Variants in ZFPM2 observed in about 807,000 individuals in gnomAD.
The protein encoded by ZFPM2 is zinc finger protein ZFPM2.
Under a neutral mutation model 98.6 loss-of-function variants are expected in ZFPM2, and 20 were observed. That is an observed-to-expected ratio of 0.20 (90% CI 0.14 to 0.29). ZFPM2 has a LOEUF of 0.29. Among genes scored for constraint, ZFPM2 ranks in the 10% least tolerant of loss-of-function variants. The pLI is 1.00. For synonymous variants in ZFPM2, 518 were observed against 502.7 expected (o/e 1.03, Z -0.41); for missense variants, 1,310 against 1,388.6 (o/e 0.94, Z 0.90).
At chr8:105,355,352 A>C (rs1812720701) in intron 1 of ZFPM2, among the ~76,000 whole-genome samples, 1 of 152,186 alleles carries the variant, frequency 6.6e-6, no homozygotes, top group Non-Finnish European at 1.5e-5. Flanking sequence ...AATTCTTCAG[A>C]CACAAATTCT....
chr8:105,652,285 G>GC (rs1817195733), intron 5 of ZFPM2, among the ~76,000 whole-genome samples: 1 of 136,178 alleles, frequency 7.3e-6, no homozygotes, highest in African/African-American at 2.9e-5. Flanking sequence ...TAGAAGTCAA[G>GC]CCCATTTTTG....
At chr8:105,783,837 C>T (rs1813334563) in intron 5 of ZFPM2, among the ~76,000 whole-genome samples, 1 of 151,982 alleles carries the variant, frequency 6.6e-6, no homozygotes, top group Non-Finnish European at 1.5e-5. Context: ...TGAACCATGC[C>T]ACTATGAGCC....
At chr8:105,372,084 C>G (rs1810635394) in intron 1 of ZFPM2, among the ~76,000 whole-genome samples, 1 of 151,280 alleles carries the variant, frequency 6.6e-6, no homozygotes, top group Admixed American at 6.6e-5. Flanking sequence ...GCTCTGTCAC[C>G]CAGGCTGGAG....
intron 4 of ZFPM2, among the ~76,000 whole-genome samples, chr8:105,593,578 G>T (rs1476425946): frequency 6.6e-6 from 1 of 150,802 alleles, no homozygotes; most frequent in Non-Finnish European, 1.5e-5. Flanking sequence ...TCTGTCCTCA[G>T]ATGCCTCATT....
At chr8:105,369,805 A>G (rs1186521335) in intron 1 of ZFPM2, among the ~76,000 whole-genome samples, 1 of 152,096 alleles carries the variant, frequency 6.6e-6, no homozygotes, top group Non-Finnish European at 1.5e-5. Flanking sequence ...TATGTAAACT[A>G]CTTCATTGTG....
At chr8:105,354,720 GGAT>G (rs746381054) in intron 1 of ZFPM2, among the ~76,000 whole-genome samples, 3 of 152,096 alleles carry the variant, frequency 2.0e-5, no homozygotes, top group Non-Finnish European at 2.9e-5. Flanking sequence ...GTATGTAGTA[GGAT>G]GATATTTTAT....
At chr8:105,620,365 T>C (rs922934831) in intron 4 of ZFPM2, among the ~76,000 whole-genome samples, 1 of 152,220 alleles carries the variant, frequency 6.6e-6, no homozygotes, top group Admixed American at 6.5e-5. Context: ...CTTTGCCCAC[T>C]TTTTGATGGG....
At chr8:105,351,354 CGTGTGTGT>C (rs139105567) in intron 1 of ZFPM2, among the ~76,000 whole-genome samples, 2 of 144,754 alleles carry the variant, frequency 1.4e-5, no homozygotes, top group Non-Finnish European at 3.0e-5. Flanking sequence ...TGCATTATTT[CGTGTGTGT>C]GTGTGTGTGT....
chr8:105,517,712 C>T lies in ZFPM2; in HGVS notation c.302-43651C>T, dbSNP rs1428217861. On this transcript the variant is annotated intron_variant, in intron 3 of 7. Coordinates refer to ENST00000407775, the MANE Select transcript of ZFPM2 (RefSeq NM_012082.4). Reference sequence around the variant, plus strand: ...ACACACCACACACACACACACCACACACACACACACACACACACACACACA... The same window carrying T: ...ACACACCACACACACACACACCACATACACACACACACACACACACACACA... Among the ~76,000 whole-genome samples, 6 of 133,622 alleles carry T rather than the reference C, an allele frequency of 4.5e-5. No individual in the cohort carries two copies. In the East Asian group the frequency reaches 1.2e-3, roughly 28 times the overall value. 87.7% of individuals were successfully genotyped at this position (133,622 alleles called of 152,430 possible). A position where few individuals can be genotyped will look rare whatever the true frequency, so the allele number is the denominator to read the frequency against.
chr8:105,336,686 C>CT (rs1812330410), intron 1 of ZFPM2, among the ~76,000 whole-genome samples: 1 of 105,996 alleles, frequency 9.4e-6, no homozygotes, highest in Non-Finnish European at 1.9e-5. Context: ...ATGTAATATA[C>CT]TCCACACACA....
intron 4 of ZFPM2, among the ~76,000 whole-genome samples, chr8:105,633,523 G>T (rs922875071): frequency 2.0e-5 from 3 of 152,130 alleles, no homozygotes; most frequent in Admixed American, 2.0e-4. Flanking sequence ...ACTATTTTGA[G>T]CCTTCTATTT....
At chr8:105,486,750 T>C (rs1813237449) in intron 3 of ZFPM2, among the ~76,000 whole-genome samples, 1 of 152,172 alleles carries the variant, frequency 6.6e-6, no homozygotes, top group Non-Finnish European at 1.5e-5. Context: ...TTGATGTGTA[T>C]AAGATCTGAG....
At chr8:105,433,730 T>G in intron 2 of ZFPM2, among the ~76,000 whole-genome samples, 1 of 152,048 alleles carries the variant, frequency 6.6e-6, no homozygotes. Flanking sequence ...GAGCTTGCAG[T>G]GAGCCGAGAT....
At chr8:105,606,481 C>T (rs1174553550) in intron 4 of ZFPM2, among the ~76,000 whole-genome samples, 3 of 151,964 alleles carry the variant, frequency 2.0e-5, no homozygotes, top group East Asian at 3.9e-4. Context: ...GCCACTTTAC[C>T]TTTCTCTGTG....
chr8:105,517,707 C>CCACACACACACACACACACACACA (rs1554613621), intron 3 of ZFPM2, among the ~76,000 whole-genome samples: 4 of 124,890 alleles, frequency 3.2e-5, no homozygotes, highest in Non-Finnish European at 4.8e-5. Flanking sequence ...CACACACACA[C>CCACACACACACACACACACACACA]CACACACACA....
rs1196372439 is a variant in ZFPM2 at position 105,795,255 on chromosome 8, T to C, written c.740-3469T>C. 1.7e-3 allele frequency among the ~76,000 whole-genome samples: 246 copies of C among 148,118 alleles called. 2 individuals carry two copies. The highest frequency in any genetic ancestry group is 0.014 in the East Asian group (71 of 5,062). On this transcript the variant is annotated intron_variant, in intron 6 of 7. Coordinates refer to ENST00000407775, the MANE Select transcript of ZFPM2 (RefSeq NM_012082.4). Reference sequence around the variant, plus strand: ...CCCCCTCATTTTATCTTTGTGTGTGTGTGTGTGTGTGTGTGTGTGTGTGTG... The same window carrying C: ...CCCCCTCATTTTATCTTTGTGTGTGCGTGTGTGTGTGTGTGTGTGTGTGTG...
At chr8:105,789,040 C>A in intron 6 of ZFPM2, 116 bp downstream of exon 6, 1 of 770,014 alleles carries the variant, frequency 1.3e-6, no homozygotes, top group Non-Finnish European at 1.9e-6. Flanking sequence ...GTTGTGGTTT[C>A]ATTTTATCTT....
At chr8:105,611,949 T>G (rs1265433111) in intron 4 of ZFPM2, among the ~76,000 whole-genome samples, 1 of 152,094 alleles carries the variant, frequency 6.6e-6, no homozygotes, top group Non-Finnish European at 1.5e-5. Context: ...CCACCCAACC[T>G]TGGCCTCCCA....
intron 3 of ZFPM2, among the ~76,000 whole-genome samples, chr8:105,506,327 A>G (rs1046554455): frequency 6.6e-6 from 1 of 152,196 alleles, no homozygotes; most frequent in Non-Finnish European, 1.5e-5. Flanking sequence ...ATCTACATAC[A>G]CATGCACAGA....
Sources: gnomAD v4.1 joint callset for allele counts (sites outside exome capture counted in the v4.1 genomes callset) on GRCh38, gnomAD v4.1.1 for gene constraint, MANE v1.5 for transcripts, NCBI Gene and HGNC (gene_info 2026-07-23, HGNC 2026-07-21) for gene names.